The following MRTFA variants were observed in gnomAD, a reference collection of about 807,000 sequenced individuals.
MRTFA encodes myocardin-related transcription factor A.
Under a neutral mutation model 83.5 loss-of-function variants are expected in MRTFA, and 20 were observed. The observed-to-expected ratio is 0.24, with a 90% CI of 0.17 to 0.35. The LOEUF (loss-of-function observed/expected upper bound fraction) is 0.35. Among genes scored for constraint, MRTFA ranks in the 10% least tolerant of loss-of-function variants. MRTFA has a pLI of 1.00. For missense variants in MRTFA, 1,200 were observed against 1,224.7 expected (o/e 0.98, Z 0.30); for synonymous variants, 659 against 541.2 (o/e 1.22, Z -3.02).
At chr22:40,602,547 G>T (rs2056272540) in intron 1 of MRTFA, among the ~76,000 whole-genome samples, 1 of 152,028 alleles carries the variant, frequency 6.6e-6, no homozygotes, top group South Asian at 2.1e-4. Context: ...GCTCTCCTAT[G>T]TGGTTGGTTT....
rs1399170096 is a variant in MRTFA at position 40,504,820 on chromosome 22, T to C, written c.242-41534A>G. On this transcript the variant is annotated intron_variant, in intron 3 of 14. Coordinates refer to ENST00000355630, the MANE Select transcript of MRTFA (RefSeq NM_020831.6). ...AATGAATTCTCTGGATATAGTATCT[T>C]TGAGGAAACTCAGTCCCGCCACCCC... 2.6e-5 allele frequency among the ~76,000 whole-genome samples: 4 copies of C among 152,336 alleles called. No individual in the cohort carries two copies. In the East Asian group the frequency reaches 7.7e-4, roughly 29 times the overall value.
At chr22:40,426,625 G>A (rs1771687376) in intron 7 of MRTFA, among the ~76,000 whole-genome samples, 3 of 152,018 alleles carry the variant, frequency 2.0e-5, no homozygotes, top group Admixed American at 6.5e-5. Flanking sequence ...GTTCCCTCTT[G>A]TACCTCTGTA....
Position 40,417,060 on chromosome 22 carries a change from GAAAAA to G in MRTFA, c.2518-19_2518-15del. The G allele has an allele frequency of 8.1e-7, 1 of 1,241,788 alleles. No individual in the cohort carries two copies. Among genetic ancestry groups the G allele is most frequent in the Admixed American group, 2.3e-5 (1 of 43,566 alleles). The allele number at this position is 1,241,788 out of a possible 1,614,324, so 76.9% of individuals were successfully genotyped here. A position where few individuals can be genotyped will look rare whatever the true frequency, so the allele number is the denominator to read the frequency against. ...GGAACCATTTTCCTGTGGGACAAAG[GAAAAA>G]AAAAAAAGAGATAAAAATCTTGAAT... On this transcript the variant is annotated splice_polypyrimidine_tract_variant and intron_variant, in intron 13 of 14. Transcript: ENST00000355630.
At chr22:40,548,494 A>T (rs1256536240) in intron 3 of MRTFA, among the ~76,000 whole-genome samples, 5 of 152,146 alleles carry the variant, frequency 3.3e-5, no homozygotes, top group Non-Finnish European at 7.3e-5. Flanking sequence ...ACAGACGTAG[A>T]AAAGAAATAG....
chr22:40,611,644 G>T (rs1490452256), intron 1 of MRTFA, among the ~76,000 whole-genome samples: 1 of 152,178 alleles, frequency 6.6e-6, no homozygotes, highest in African/African-American at 2.4e-5. Context: ...CATGAATTCA[G>T]GGCAGCTTGA....
intron 3 of MRTFA, among the ~76,000 whole-genome samples, chr22:40,495,757 CAA>C (rs35652948): frequency 2.1e-4 from 15 of 70,612 alleles, no homozygotes; most frequent in East Asian, 3.6e-4. Context: ...GACTCCATCT[CAA>C]AAAAAAAAAA....
chr22:40,519,649 T>G (rs113763249), intron 3 of MRTFA: 3 of 1,251,278 alleles, frequency 2.4e-6, no homozygotes, highest in Non-Finnish European at 2.1e-6. Context: ...ATAAAAGCAA[T>G]AGAATGTTCC....
At position 40,571,454 on chromosome 22, in the gene MRTFA, T is replaced by C. The variant is rs564233310; in HGVS notation, c.-21-19087A>G. On this transcript the variant is annotated intron_variant, in intron 2 of 14. Coordinates refer to ENST00000355630, the MANE Select transcript of MRTFA (RefSeq NM_020831.6). ...GATATTTCTGTCAAAATTTTAAAGT[T>C]TTGTGCATCAAAGGATAATATCAAG... Among the ~76,000 whole-genome samples the C allele has an allele frequency of 2.6e-5, 4 of 152,206 alleles. No homozygotes were observed. The East Asian group carries it at 7.7e-4, about 29-fold the overall frequency.
At chr22:40,519,630 A>C in intron 3 of MRTFA, 1 of 1,284,236 alleles carries the variant, frequency 7.8e-7, no homozygotes, top group Non-Finnish European at 1.0e-6. Flanking sequence ...ACATAAAAGC[A>C]AAAAAGAAAT....
At chr22:40,618,448 A>C (rs1380139149) in intron 1 of MRTFA, among the ~76,000 whole-genome samples, 1 of 151,904 alleles carries the variant, frequency 6.6e-6, no homozygotes, top group East Asian at 1.9e-4. Flanking sequence ...CATCTGAAAA[A>C]AGTGAGGAAG....
At chr22:40,618,137 C>T (rs2056476791) in intron 1 of MRTFA, among the ~76,000 whole-genome samples, 1 of 151,290 alleles carries the variant, frequency 6.6e-6, no homozygotes, top group South Asian at 2.1e-4. Flanking sequence ...CACACTGGCA[C>T]AATCTCGGCT....
chr22:40,493,091 CT>C (rs1461837748), intron 3 of MRTFA, among the ~76,000 whole-genome samples: 1 of 152,168 alleles, frequency 6.6e-6, no homozygotes, highest in Non-Finnish European at 1.5e-5. Context: ...GATTTTACTC[CT>C]TGTATGTCAC....
intron 1 of MRTFA, among the ~76,000 whole-genome samples, chr22:40,599,491 C>CA: frequency 1.3e-5 from 2 of 152,058 alleles, no homozygotes; most frequent in South Asian, 4.2e-4. Flanking sequence ...AATAAACTTC[C>CA]CACAAAGAAA....
At chr22:40,470,221 C>A (rs2053875357) in intron 3 of MRTFA, among the ~76,000 whole-genome samples, 1 of 97,456 alleles carries the variant, frequency 1.0e-5, no homozygotes, top group African/African-American at 4.6e-5. Context: ...AAGACCCCAT[C>A]TCCAAAATTT....
chr22:40,530,998 G>T (rs1569314460), intron 3 of MRTFA, among the ~76,000 whole-genome samples: 1 of 152,112 alleles, frequency 6.6e-6, no homozygotes, highest in East Asian at 1.9e-4. Context: ...CCAATATATA[G>T]ATTAATATAT....
rs565559796 is a variant in MRTFA, at chr22:40,517,261, G to GT, written c.241+34844dup. The stretch of plus-strand genomic sequence containing the variant: ...ATTCTAAAAGAAGAAAAAGTTGGAG[G>GT]TTTTTTTGTTTTTTACATTTACGTT... On this transcript the variant is annotated intron_variant, in intron 3 of 14. Coordinates refer to ENST00000355630, the MANE Select transcript of MRTFA (RefSeq NM_020831.6). Among the ~76,000 whole-genome samples, 140 of 152,262 alleles carry GT rather than the reference G, an allele frequency of 9.2e-4. 1 individual carries two copies. The highest frequency in any genetic ancestry group is 1.6e-3 in the Non-Finnish European group (108 of 68,010).
intron 3 of MRTFA, among the ~76,000 whole-genome samples, chr22:40,491,438 C>G (rs928741320): frequency 6.6e-6 from 1 of 152,124 alleles, no homozygotes; most frequent in Admixed American, 6.6e-5. Flanking sequence ...TCACCCTAAG[C>G]AAAACTAAGA....
Position 40,555,596 on chromosome 22 carries a change from A to ATG in MRTFA, c.-21-3230_-21-3229insCA, listed in dbSNP as rs2055509797. ...AAATTAAAAAAAATTTTATATATAT[A>ATG]TATATATCTCCACTCACTGAATCCT... On this transcript the variant is annotated intron_variant, in intron 2 of 14. Transcript: ENST00000355630. Among the ~76,000 whole-genome samples, 3 of 151,382 alleles carry ATG rather than the reference A, an allele frequency of 2.0e-5. No individual in the cohort carries two copies. The South Asian group carries it at 6.2e-4, about 31-fold the overall frequency.
intron 2 of MRTFA, among the ~76,000 whole-genome samples, chr22:40,560,711 G>T (rs1288041915): frequency 6.6e-6 from 1 of 152,130 alleles, no homozygotes; most frequent in Non-Finnish European, 1.5e-5. Context: ...ATGATCAACA[G>T]CAGCCAGAAC....
Sources: gnomAD v4.1 joint callset for allele counts (sites outside exome capture counted in the v4.1 genomes callset) on GRCh38, gnomAD v4.1.1 for gene constraint, MANE v1.5 for transcripts, NCBI Gene and HGNC (gene_info 2026-07-23, HGNC 2026-07-21) for gene names.